Variants in BICD1 observed in about 807,000 individuals in gnomAD.
BICD1 encodes protein bicaudal D homolog 1.
Under a neutral mutation model 92.5 loss-of-function variants are expected in BICD1, and 35 were observed. The observed-to-expected ratio is 0.38, with a 90% CI of 0.29 to 0.50. The LOEUF (loss-of-function observed/expected upper bound fraction) is 0.50, where lower values mean the gene tolerates loss of function less well. Among genes scored for constraint, BICD1 ranks in the 20% least tolerant of loss-of-function variants. The pLI is 0.93. For synonymous variants in BICD1, 429 were observed against 465.1 expected (o/e 0.92, Z 1.00); for missense variants, 950 against 1,189.8 (o/e 0.80, Z 2.97).
At chr12:32,241,583 C>T (rs533853779) in intron 2 of BICD1, among the ~76,000 whole-genome samples, 1 of 152,156 alleles carries the variant, frequency 6.6e-6, no homozygotes, top group Non-Finnish European at 1.5e-5. Context: ...TATGCATGTC[C>T]TAGATGGCCT....
In BICD1 at chr12:32,334,517, C is replaced by T; in HGVS notation, c.2102C>T (p.Thr701Ile). 6.2e-7 allele frequency: 1 copy of T among 1,606,526 alleles called. No homozygotes were observed. Among genetic ancestry groups the T allele is most frequent in the East Asian group, 2.2e-5 (1 of 44,566 alleles). Residue 701 changes from threonine (T) to isoleucine (I), a missense_variant and splice_region_variant, in exon 6 of 10, where the codon ACA becomes ATA. Coordinates refer to ENST00000652176, the MANE Select transcript of BICD1 (RefSeq NM_001714.4). ...AAGCAGTGTGATTTTCTGCTTTAGACAGCTGAGGTGGCGCTAGCTAATCTC... is the reference window on the plus strand; with the variant it reads ...AAGCAGTGTGATTTTCTGCTTTAGATAGCTGAGGTGGCGCTAGCTAATCTC... ...LRAVLKANKQ[T>I]AEVALANLKN...
intron 2 of BICD1, among the ~76,000 whole-genome samples, chr12:32,217,576 A>T (rs778960982): frequency 2.0e-5 from 3 of 152,222 alleles, no homozygotes; most frequent in Non-Finnish European, 4.4e-5. Flanking sequence ...CAAATATAGC[A>T]ATATGACTTG....
At chr12:32,374,065 T>A (rs1414593080) in intron 9 of BICD1, among the ~76,000 whole-genome samples, 3 of 151,240 alleles carry the variant, frequency 2.0e-5, no homozygotes, top group Non-Finnish European at 2.9e-5. Flanking sequence ...AATACAAAAA[T>A]TAGCCAGGTG....
At chr12:32,182,209 T>C (rs1407519155) in intron 1 of BICD1, among the ~76,000 whole-genome samples, 4 of 151,728 alleles carry the variant, frequency 2.6e-5, no homozygotes, top group African/African-American at 9.7e-5. Flanking sequence ...CAGAAAAACC[T>C]GATTTCCTAT....
chr12:32,284,387 A>T (rs1343603313), intron 2 of BICD1, among the ~76,000 whole-genome samples: 1 of 152,144 alleles, frequency 6.6e-6, no homozygotes, highest in African/African-American at 2.4e-5. Flanking sequence ...TTATTATAAA[A>T]TTTCTTTTTC....
intron 2 of BICD1, among the ~76,000 whole-genome samples, chr12:32,225,209 A>G (rs1399752580): frequency 6.6e-6 from 1 of 152,196 alleles, no homozygotes; most frequent in Non-Finnish European, 1.5e-5. Context: ...AGTGGAATAA[A>G]ACAGTATGTA....
At chr12:32,245,984 C>T (rs551752257) in intron 2 of BICD1, among the ~76,000 whole-genome samples, 7 of 113,748 alleles carry the variant, frequency 6.2e-5, no homozygotes, top group East Asian at 6.0e-4. Flanking sequence ...GAGCCGAGAT[C>T]GTGTCACTGC....
chr12:32,259,637 T>C (rs918376639), intron 2 of BICD1, among the ~76,000 whole-genome samples: 2 of 152,142 alleles, frequency 1.3e-5, no homozygotes, highest in Admixed American at 6.5e-5. Context: ...GGCAACACAA[T>C]GGGCCACACA....
intron 1 of BICD1, among the ~76,000 whole-genome samples, chr12:32,216,025 T>G (rs2632328): frequency 6.6e-6 from 1 of 151,884 alleles, no homozygotes; most frequent in African/African-American, 2.4e-5. Flanking sequence ...TTTAATGCAT[T>G]ACATCTTTTT....
At chr12:32,369,833 G>C (rs1217492758) in intron 9 of BICD1, among the ~76,000 whole-genome samples, 3 of 152,002 alleles carry the variant, frequency 2.0e-5, no homozygotes, top group Non-Finnish European at 4.4e-5. Flanking sequence ...TTGAGCTCGG[G>C]AGGTCAAGAC....
intron 1 of BICD1, among the ~76,000 whole-genome samples, chr12:32,159,307 G>A (rs193053064): frequency 4.5e-4 from 68 of 152,282 alleles, no homozygotes; most frequent in African/African-American, 1.6e-3. Context: ...GAGAAGCCAT[G>A]TGGAGAGAGT....
intron 9 of BICD1, among the ~76,000 whole-genome samples, chr12:32,374,646 C>A (rs1299929374): frequency 6.7e-6 from 1 of 148,646 alleles, no homozygotes; most frequent in African/African-American, 2.5e-5. Flanking sequence ...CAGCTCACCG[C>A]AACGTCTGCC....
At chr12:32,374,231 A>G (rs895831992) in intron 9 of BICD1, among the ~76,000 whole-genome samples, 1 of 151,892 alleles carries the variant, frequency 6.6e-6, no homozygotes, top group African/African-American at 2.4e-5. Context: ...AAAGAAAAGA[A>G]AAGAAAAGAA....
At chr12:32,377,274 A>G (rs1388868234) in intron 9 of BICD1, among the ~76,000 whole-genome samples, 1 of 152,252 alleles carries the variant, frequency 6.6e-6, no homozygotes, top group Non-Finnish European at 1.5e-5. Context: ...GCTGGGGGCA[A>G]GAAAATAGGG....
At chr12:32,309,652 C>T (rs568094053) in intron 4 of BICD1, among the ~76,000 whole-genome samples, 5 of 152,182 alleles carry the variant, frequency 3.3e-5, no homozygotes, top group South Asian at 2.1e-4. Context: ...AACTTGATTT[C>T]GAGCTTTTTG....
intron 1 of BICD1, among the ~76,000 whole-genome samples, chr12:32,154,312 T>C (rs892033007): frequency 6.6e-6 from 1 of 152,160 alleles, no homozygotes; most frequent in African/African-American, 2.4e-5. Flanking sequence ...CGAGGTCTAT[T>C]GGAGAGCTGT....
chr12:32,165,682 CAA>C (rs35023796), intron 1 of BICD1, among the ~76,000 whole-genome samples: 32,006 of 128,090 alleles, frequency 0.25, 3,591 homozygotes, highest in East Asian at 0.46. Flanking sequence ...GACTCTGTCT[CAA>C]AAAAAAAAAA....
chr12:32,170,081 A>G (rs1367132959), intron 1 of BICD1, among the ~76,000 whole-genome samples: 1 of 152,226 alleles, frequency 6.6e-6, no homozygotes, highest in Non-Finnish European at 1.5e-5. Context: ...TAATCCTAAG[A>G]AAAACCTTGT....
chr12:32,366,650 TAAACAAAC>T (rs143879118), intron 8 of BICD1, among the ~76,000 whole-genome samples: 1 of 152,154 alleles, frequency 6.6e-6, no homozygotes, highest in Middle Eastern at 3.4e-3. Context: ...CTGTCTCAAA[TAAACAAAC>T]AAACAAACAC....
Sources: allele counts gnomAD v4.1 joint callset (sites outside exome capture counted in the v4.1 genomes callset), GRCh38; gene constraint gnomAD v4.1.1; transcripts MANE v1.5; gene names NCBI Gene and HGNC (gene_info 2026-07-23, HGNC 2026-07-21).